HABP4: variants seen among roughly 807,000 people sequenced by gnomAD.
HABP4 encodes intracellular hyaluronan-binding protein 4.
In HABP4, 32 loss-of-function variants were observed where a neutral mutation model predicts 44.1. The ratio of observed to expected loss-of-function variants is 0.73; its 90% CI spans 0.55 to 0.97. The LOEUF (loss-of-function observed/expected upper bound fraction) is 0.97. HABP4 is among the 50% of genes least tolerant of loss of function. The pLI is 0.00. For synonymous variants in HABP4, 216 were observed against 218.0 expected (o/e 0.99, Z 0.08); for missense variants, 503 against 561.9 (o/e 0.90, Z 1.06).
At chr9:96,479,918 C>T (rs930962917) in intron 5 of HABP4, among the ~76,000 whole-genome samples, 7 of 152,112 alleles carry the variant, frequency 4.6e-5, no homozygotes, top group Non-Finnish European at 8.8e-5. Flanking sequence ...GTAATCCCAG[C>T]ACTGTGGGAG....
intron 1 of HABP4, among the ~76,000 whole-genome samples, chr9:96,456,623 G>A (rs1373091303): frequency 2.6e-5 from 4 of 151,260 alleles, no homozygotes; most frequent in East Asian, 3.9e-4. Context: ...AGCTGGGCGT[G>A]GTGGCGGGCG....
chr9:96,489,652 G>T (rs929946150), intron 7 of HABP4, among the ~76,000 whole-genome samples: 1 of 152,252 alleles, frequency 6.6e-6, no homozygotes. Context: ...GCTCCCCGAG[G>T]ATAGGCACTG....
At chr9:96,482,328 C>T (rs891500985) in intron 5 of HABP4, among the ~76,000 whole-genome samples, 2 of 152,152 alleles carry the variant, frequency 1.3e-5, no homozygotes, top group Non-Finnish European at 2.9e-5. Context: ...CTCTATTTTA[C>T]TCGTGTTTAT....
At chr9:96,475,390 C>CAACAA (rs368432005) in intron 5 of HABP4, among the ~76,000 whole-genome samples, 1 of 94,158 alleles carries the variant, frequency 1.1e-5, no homozygotes, top group African/African-American at 4.0e-5. Context: ...ACAACAACAA[C>CAACAA]AAAAAAAAAA....
At chr9:96,462,499 A>G (rs922907355) in intron 2 of HABP4, among the ~76,000 whole-genome samples, 2 of 151,648 alleles carry the variant, frequency 1.3e-5, no homozygotes, top group Non-Finnish European at 2.9e-5. Context: ...TGTGATCTCA[A>G]CCACTGAGGA....
At chr9:96,483,398 C>G (rs1832914193) in intron 5 of HABP4, 1 of 147,174 alleles carries the variant, frequency 6.8e-6, no homozygotes, top group Admixed American at 6.8e-5. Context: ...TTTAAAGAGA[C>G]AGTGTCTCAT....
At chr9:96,486,733 A>G (rs1157425943) in intron 6 of HABP4, among the ~76,000 whole-genome samples, 1 of 152,030 alleles carries the variant, frequency 6.6e-6, no homozygotes. Context: ...ACACCTGAAG[A>G]GGCAGAAGCA....
At position 96,481,108 on chromosome 9, in the gene HABP4, A is replaced by G. The variant is rs950974803; in HGVS notation, c.828-3354A>G. Among the ~76,000 whole-genome samples the G allele has an allele frequency of 5.9e-5, 9 of 152,026 alleles. No homozygotes were observed. In the East Asian group the frequency reaches 7.7e-4, roughly 13 times the overall value. On this transcript the variant is annotated intron_variant, in intron 5 of 7. Transcript: ENST00000375249. Reference sequence around the variant, plus strand: ...TTTTGTTTTGTTTTGTTTTGGAGAAAGAGTCTTGTTCTGTCGCCCAGGCTG... The same window carrying G: ...TTTTGTTTTGTTTTGTTTTGGAGAAGGAGTCTTGTTCTGTCGCCCAGGCTG...
intron 1 of HABP4, among the ~76,000 whole-genome samples, chr9:96,457,823 A>C (rs1247642597): frequency 1.3e-5 from 2 of 152,184 alleles, no homozygotes; most frequent in African/African-American, 4.8e-5. Context: ...AGCCAAGATT[A>C]AACAGTGCAC....
At chr9:96,481,353 A>G (rs1025006764) in intron 5 of HABP4, among the ~76,000 whole-genome samples, 4 of 151,982 alleles carry the variant, frequency 2.6e-5, no homozygotes, top group African/African-American at 9.7e-5. Flanking sequence ...CGGCCTCCCA[A>G]AGTGCTGGGA....
At chr9:96,482,743 C>T (rs1430551939) in intron 5 of HABP4, among the ~76,000 whole-genome samples, 1 of 152,224 alleles carries the variant, frequency 6.6e-6, no homozygotes, top group Non-Finnish European at 1.5e-5. Context: ...TAAATGGAAT[C>T]ATACACAGAA....
intron 6 of HABP4, among the ~76,000 whole-genome samples, chr9:96,487,427 T>C (rs10991354): frequency 0.23 from 35,332 of 152,188 alleles, 5,110 homozygotes; most frequent in African/African-American, 0.41. Context: ...AGAATTTTAA[T>C]GAAAGCAGTT....
At position 96,465,499 on chromosome 9, in the gene HABP4, G is replaced by C; in HGVS notation, c.674+1G>C. 1 of 1,598,708 alleles carries C rather than the reference G, an allele frequency of 6.3e-7. No individual in the cohort carries two copies. The highest frequency in any genetic ancestry group is 1.1e-5 in the South Asian group (1 of 90,724). The stretch of plus-strand genomic sequence containing the variant: ...AAAGATATGGTGGGAATGACAAAAT[G>C]TAAGTTTCTTTGTAAATGCTATTTT... On this transcript the variant is annotated splice_donor_variant, in intron 3 of 7. Transcript: ENST00000375249. LOFTEE classifies it high-confidence loss of function.
chr9:96,468,237 CACACCCACT>C (rs1832638432), intron 4 of HABP4, among the ~76,000 whole-genome samples: 1 of 151,526 alleles, frequency 6.6e-6, no homozygotes, highest in Admixed American at 6.6e-5. Flanking sequence ...CGCATGCCAC[CACACCCACT>C]ACACCCAGCA....
At chr9:96,453,929 G>A (rs1030197816) in intron 1 of HABP4, among the ~76,000 whole-genome samples, 1 of 152,178 alleles carries the variant, frequency 6.6e-6, no homozygotes, top group Non-Finnish European at 1.5e-5. Flanking sequence ...AGTTGGGAAG[G>A]AGAACGAGAT....
intron 5 of HABP4, among the ~76,000 whole-genome samples, chr9:96,479,566 G>GA (rs1832842342): frequency 6.6e-6 from 1 of 151,718 alleles, no homozygotes; most frequent in Admixed American, 6.6e-5. Context: ...CTGGAGTGCA[G>GA]TGATGCAATC....
Position 96,450,352 on chromosome 9 carries a change from G to T in HABP4, c.73G>T (p.Ala25Ser). ...AMQESFGCVV[A>S]NRFHQLLDDE... ...GCAGGAGAGTTTCGGCTGCGTGGTGGCCAACCGCTTCCATCAGCTGCTGGA... is the reference window on the plus strand; with the variant it reads ...GCAGGAGAGTTTCGGCTGCGTGGTGTCCAACCGCTTCCATCAGCTGCTGGA... The change falls in exon 1 of 8, where the codon GCC (alanine) becomes TCC (serine). Residue 25 changes from alanine (A) to serine (S), a missense_variant. Around this residue, in one of 3 missense-constraint regions of HABP4, gnomAD observed 290 missense variants for 300.5 expected, o/e 0.97. Coordinates refer to ENST00000375249, the MANE Select transcript of HABP4 (RefSeq NM_014282.4). The surrounding 1 kb of genome is among the most constrained non-coding windows in gnomAD (Gnocchi z 4.8). 1 of 1,266,596 alleles carries T rather than the reference G, an allele frequency of 7.9e-7. No individual in the cohort carries two copies. The allele number at this position is 1,266,596 out of a possible 1,614,324, so 78.5% of individuals were successfully genotyped here.
At chr9:96,483,745 T>C (rs1462966830) in intron 5 of HABP4, 1 of 152,238 alleles carries the variant, frequency 6.6e-6, no homozygotes, top group African/African-American at 2.4e-5. Flanking sequence ...GAAGAAACCA[T>C]TGCCCAGTCC....
At chr9:96,454,993 C>A (rs1455172988) in intron 1 of HABP4, among the ~76,000 whole-genome samples, 1 of 151,804 alleles carries the variant, frequency 6.6e-6, no homozygotes, top group African/African-American at 2.4e-5. Context: ...GATGGTGCAG[C>A]CTGTAGTCCT....
Sources: allele counts gnomAD v4.1 joint callset (sites outside exome capture counted in the v4.1 genomes callset), GRCh38; gene constraint gnomAD v4.1.1; regional missense constraint gnomAD v4.1.1; non-coding constraint Gnocchi (gnomAD v3.1); transcripts MANE v1.5; gene names NCBI Gene and HGNC (gene_info 2026-07-23, HGNC 2026-07-21).